Variants in ROBO2 observed in about 807,000 individuals in gnomAD.
The protein encoded by ROBO2 is roundabout homolog 2.
A neutral mutation model predicts 160.8 loss-of-function variants in ROBO2; 53 were observed. The ratio of observed to expected loss-of-function variants is 0.33; its 90% CI spans 0.26 to 0.41. ROBO2 has a LOEUF of 0.41. Among genes scored for constraint, ROBO2 ranks in the 10% least tolerant of loss-of-function variants. The pLI, the probability that ROBO2 is intolerant of heterozygous loss-of-function variation, is 1.00. For missense variants in ROBO2, 1,577 were observed against 1,722.4 expected (o/e 0.92, Z 1.49); for synonymous variants, 664 against 611.7 (o/e 1.09, Z -1.26).
chr3:76,070,066 G>A (rs2068395399), intron 2 of ROBO2, among the ~76,000 whole-genome samples: 1 of 152,038 alleles, frequency 6.6e-6, no homozygotes, highest in African/African-American at 2.4e-5. Flanking sequence ...AGGACCAAGT[G>A]ATAATTGCAT....
At chr3:76,002,090 C>A (rs183776825) in intron 2 of ROBO2, among the ~76,000 whole-genome samples, 4 of 152,154 alleles carry the variant, frequency 2.6e-5, no homozygotes, top group Non-Finnish European at 4.4e-5. Flanking sequence ...GAATTGTGTC[C>A]CTTCAGCAAA....
At chr3:76,729,639 C>CTTT (rs11292819) in intron 2 of ROBO2, among the ~76,000 whole-genome samples, 3 of 136,102 alleles carry the variant, frequency 2.2e-5, no homozygotes, top group Non-Finnish European at 3.1e-5. Flanking sequence ...CTCTCTCTCT[C>CTTT]TTTTTTTTTT....
chr3:76,192,955 A>G (rs1241975751), intron 2 of ROBO2, among the ~76,000 whole-genome samples: 1 of 152,104 alleles, frequency 6.6e-6, no homozygotes, highest in African/African-American at 2.4e-5. Context: ...CTGCTTTCTC[A>G]AAGGTCATCA....
rs563815116 is a variant in ROBO2 at position 76,099,641 on chromosome 3, TA to T, written c.109+162042del. ...ATAAACTCTACATTATAGAATCCTG[TA>T]AATTTTATACTTGTGCCAAAAAAGT... is the stretch of plus-strand genomic sequence containing the variant. On this transcript the variant is annotated intron_variant, in intron 2 of 26. Coordinates refer to the ROBO2 transcript ENST00000487694. Among the ~76,000 whole-genome samples the T allele has an allele frequency of 1.2e-4, 19 of 152,348 alleles. 1 individual carries two copies. The South Asian group carries it at 2.9e-3, about 23-fold the overall frequency.
chr3:77,129,434 T>A (rs996822414), intron 2 of ROBO2, among the ~76,000 whole-genome samples: 1 of 152,230 alleles, frequency 6.6e-6, no homozygotes, highest in African/African-American at 2.4e-5. Context: ...TGTTTATTCC[T>A]GTAGCATAAA....
chr3:77,254,307 T>A (rs543628386), intron 2 of ROBO2, among the ~76,000 whole-genome samples: 2 of 152,350 alleles, frequency 1.3e-5, no homozygotes, highest in South Asian at 4.1e-4. Context: ...TGAATAGTGA[T>A]TTCCACATTA....
At chr3:77,637,872 C>G (rs1465117059) in intron 24 of ROBO2, among the ~76,000 whole-genome samples, 1 of 151,930 alleles carries the variant, frequency 6.6e-6, no homozygotes, top group East Asian at 1.9e-4. Flanking sequence ...AGCAAGCTAC[C>G]TCCTAGTTTA....
intron 2 of ROBO2, among the ~76,000 whole-genome samples, chr3:76,766,743 T>C (rs550113552): frequency 1.5e-4 from 23 of 151,656 alleles, no homozygotes; most frequent in African/African-American, 4.6e-4. Context: ...AAGCTCTTAT[T>C]GGGATAAATG....
At chr3:77,014,427 T>C (rs2062106385) in intron 2 of ROBO2, among the ~76,000 whole-genome samples, 1 of 152,196 alleles carries the variant, frequency 6.6e-6, no homozygotes, top group African/African-American at 2.4e-5. Flanking sequence ...AATAGAGATC[T>C]GACGGAGATA....
intron 2 of ROBO2, among the ~76,000 whole-genome samples, chr3:76,571,614 T>C (rs1376311099): frequency 6.6e-6 from 1 of 152,146 alleles, no homozygotes; most frequent in Non-Finnish European, 1.5e-5. Context: ...GGTAATAACA[T>C]ACAGTAGTTA....
At chr3:77,416,754 G>C (rs2077267422) in intron 2 of ROBO2, among the ~76,000 whole-genome samples, 2 of 150,376 alleles carry the variant, frequency 1.3e-5, no homozygotes, top group Admixed American at 6.7e-5. Context: ...AAATTTATCT[G>C]CCTCCTGCTG....
intron 22 of ROBO2, among the ~76,000 whole-genome samples, chr3:77,619,375 A>G (rs570882442): frequency 1.3e-5 from 2 of 152,314 alleles, no homozygotes; most frequent in African/African-American, 4.8e-5. Context: ...AGAACTCACC[A>G]AAAGATTTTA....
At chr3:76,113,773 A>G (rs2070345976) in intron 2 of ROBO2, among the ~76,000 whole-genome samples, 3 of 152,116 alleles carry the variant, frequency 2.0e-5, no homozygotes, top group Non-Finnish European at 2.9e-5. Flanking sequence ...GTAACCCCCA[A>G]CGTTGGAGGT....
intron 2 of ROBO2, among the ~76,000 whole-genome samples, chr3:77,436,019 A>G (rs750039696): frequency 6.6e-6 from 1 of 150,752 alleles, no homozygotes; most frequent in Non-Finnish European, 1.5e-5. Flanking sequence ...CTTGATTAAG[A>G]AGTGAGTCTT....
intron 2 of ROBO2, among the ~76,000 whole-genome samples, chr3:76,448,099 AAAAAC>A (rs2077291570): frequency 6.6e-6 from 1 of 152,038 alleles, no homozygotes; most frequent in Non-Finnish European, 1.5e-5. Flanking sequence ...CAAAAAAAGA[AAAAAC>A]AAACAAACAA....
intron 2 of ROBO2, among the ~76,000 whole-genome samples, chr3:76,012,125 A>G (rs1459876582): frequency 6.6e-6 from 1 of 152,182 alleles, no homozygotes; most frequent in East Asian, 1.9e-4. Context: ...GAGGTAGGAA[A>G]CCAATCTTTT....
At chr3:76,484,532 T>C (rs1193721665) in intron 2 of ROBO2, among the ~76,000 whole-genome samples, 1 of 152,092 alleles carries the variant, frequency 6.6e-6, no homozygotes, top group Non-Finnish European at 1.5e-5. Flanking sequence ...TAAAGCCAAA[T>C]ACTCCTCTCT....
intron 2 of ROBO2, among the ~76,000 whole-genome samples, chr3:77,234,602 A>C (rs567804034): frequency 1.3e-5 from 2 of 152,310 alleles, no homozygotes; most frequent in Non-Finnish European, 2.9e-5. Context: ...GGAGAGAAGG[A>C]AACTACTTAA....
chr3:76,438,426 A>T (rs896085377), intron 2 of ROBO2, among the ~76,000 whole-genome samples: 3 of 151,802 alleles, frequency 2.0e-5, no homozygotes, highest in Non-Finnish European at 4.4e-5. Context: ...ACACACACAC[A>T]CACACACACA....
Sources: allele counts gnomAD v4.1 joint callset (sites outside exome capture counted in the v4.1 genomes callset), GRCh38; gene constraint gnomAD v4.1.1; transcripts MANE v1.5; gene names NCBI Gene and HGNC (gene_info 2026-07-23, HGNC 2026-07-21).